The following PRSS23 variants were observed in gnomAD, a reference collection of about 807,000 sequenced individuals.
The protein encoded by PRSS23 is serine protease 23.
A neutral mutation model predicts 34.7 loss-of-function variants in PRSS23; 25 were observed. The observed-to-expected ratio is 0.72, with a 90% confidence interval of 0.53 to 1.01. PRSS23 has a LOEUF of 1.01. PRSS23 is among the 50% of genes least tolerant of loss of function. The probability of loss-of-function intolerance (pLI) is 0.00; values close to 1 mark genes in which losing one functional copy is unlikely to be tolerated. For synonymous variants in PRSS23, 176 were observed against 186.6 expected (o/e 0.94, Z 0.46); for missense variants, 445 against 475.6 (o/e 0.94, Z 0.60).
At chr11:86,930,055 T>A (rs1444879925) in intron 2 of PRSS23, among the ~76,000 whole-genome samples, 4 of 152,022 alleles carry the variant, frequency 2.6e-5, no homozygotes, top group African/African-American at 9.7e-5. Context: ...AGTATTATAC[T>A]ATACTATAAT....
chr11:86,939,426 A>ATATATATATTTTTTTTTTT, intron 2 of PRSS23, among the ~76,000 whole-genome samples: 1 of 94,072 alleles, frequency 1.1e-5, no homozygotes, highest in Non-Finnish European at 2.3e-5. Flanking sequence ...ATATATATAT[A>ATATATATATTTTTTTTTTT]TTTTTTAACA....
At chr11:86,895,477 C>CTTT (rs71040269) in intron 2 of PRSS23, among the ~76,000 whole-genome samples, 4,059 of 86,454 alleles carry the variant, frequency 0.047, 184 homozygotes, top group Non-Finnish European at 0.052. Context: ...TTATTTTATC[C>CTTT]TTTTTTTTTT....
intron 2 of PRSS23, chr11:86,908,844 A>G (rs1948960040): frequency 6.6e-6 from 1 of 151,994 alleles, no homozygotes; most frequent in South Asian, 2.1e-4. Flanking sequence ...CAGCAGCAAT[A>G]TCAGCTAGGT....
At chr11:86,859,844 C>T (rs1172943717) in intron 2 of PRSS23, among the ~76,000 whole-genome samples, 1 of 151,848 alleles carries the variant, frequency 6.6e-6, no homozygotes, top group African/African-American at 2.4e-5. Flanking sequence ...GGGGTGGACA[C>T]CTCCAGTGTG....
At chr11:86,806,939 A>G (rs1948108224) in intron 1 of PRSS23, among the ~76,000 whole-genome samples, 1 of 152,238 alleles carries the variant, frequency 6.6e-6, no homozygotes, top group Admixed American at 6.5e-5. Flanking sequence ...GGAAGAAGGA[A>G]TATTTTATTA....
chr11:86,853,665 G>A (rs528682355), intron 2 of PRSS23, among the ~76,000 whole-genome samples: 2 of 152,264 alleles, frequency 1.3e-5, no homozygotes, highest in Admixed American at 1.3e-4. Flanking sequence ...CATTTTTGCT[G>A]TTGTGAATAA....
intron 2 of PRSS23, among the ~76,000 whole-genome samples, chr11:86,913,493 T>C (rs566164668): frequency 6.6e-6 from 1 of 151,204 alleles, no homozygotes; most frequent in East Asian, 1.9e-4. Context: ...GAAACTCAGA[T>C]TTCCATATTT....
intron 2 of PRSS23, among the ~76,000 whole-genome samples, chr11:86,924,502 C>T (rs556825837): frequency 6.6e-6 from 1 of 152,266 alleles, no homozygotes; most frequent in African/African-American, 2.4e-5. Flanking sequence ...TAAGATACTG[C>T]GCTTGCATTG....
chr11:86,858,698 C>T (rs1451328260), intron 2 of PRSS23, among the ~76,000 whole-genome samples: 1 of 151,456 alleles, frequency 6.6e-6, no homozygotes, highest in Non-Finnish European at 1.5e-5. Flanking sequence ...GATGATATTA[C>T]TCCCAATATC....
At chr11:86,883,997 A>G (rs1008035485) in intron 2 of PRSS23, among the ~76,000 whole-genome samples, 1 of 152,164 alleles carries the variant, frequency 6.6e-6, no homozygotes, top group Non-Finnish European at 1.5e-5. Context: ...GCTTTATGAT[A>G]TGCACCATTA....
At chr11:86,830,021 C>G (rs937457812) in intron 2 of PRSS23, among the ~76,000 whole-genome samples, 1 of 152,206 alleles carries the variant, frequency 6.6e-6, no homozygotes. Context: ...CTCTTCAAAG[C>G]TGTCAGACAG....
At chr11:86,890,649 G>A (rs903317355) in intron 2 of PRSS23, among the ~76,000 whole-genome samples, 8 of 152,154 alleles carry the variant, frequency 5.3e-5, no homozygotes, top group African/African-American at 7.2e-5. Flanking sequence ...GGCTGTACAC[G>A]GGATTGAGGC....
chr11:86,842,632 A>T (rs937301821), intron 2 of PRSS23, among the ~76,000 whole-genome samples: 1 of 151,448 alleles, frequency 6.6e-6, no homozygotes, highest in Admixed American at 6.6e-5. Context: ...CTATACACCA[A>T]TAATAGAGAG....
chr11:86,808,756 T>C lies in PRSS23; in HGVS notation c.1113T>C (p.Tyr371=), dbSNP rs1565351351. Residue 371 remains tyrosine (Y), a synonymous_variant, in exon 2 of 2, where the codon TAT becomes TAC. Transcript: ENST00000280258. Reference sequence around the variant, plus strand: ...CTCTCAAATATGCCCAGATTTGCTATTGGATTAAAGGAAACTACCTGGATT... The same window carrying C: ...CTCTCAAATATGCCCAGATTTGCTACTGGATTAAAGGAAACTACCTGGATT... ...ITPLKYAQIC[Y]WIKGNYLDCR... The C allele has an allele frequency of 1.2e-6, 2 of 1,613,776 alleles. No homozygotes were observed. Among genetic ancestry groups the C allele is most frequent in the Non-Finnish European group, 1.7e-6 (2 of 1,179,812 alleles).
At chr11:86,837,152 A>C (rs1005926337) in intron 2 of PRSS23, 1 of 152,254 alleles carries the variant, frequency 6.6e-6, no homozygotes, top group Admixed American at 6.5e-5. Flanking sequence ...ATATGTAATA[A>C]AATCATTCTC....
At chr11:86,835,349 A>G (rs1166407767) in intron 2 of PRSS23, among the ~76,000 whole-genome samples, 1 of 152,246 alleles carries the variant, frequency 6.6e-6, no homozygotes, top group Non-Finnish European at 1.5e-5. Flanking sequence ...TTACTCAGGT[A>G]TGCCATGGGT....
At chr11:86,886,583 T>G (rs1948803976) in intron 2 of PRSS23, among the ~76,000 whole-genome samples, 1 of 152,182 alleles carries the variant, frequency 6.6e-6, no homozygotes, top group Non-Finnish European at 1.5e-5. Context: ...TTAGAATTTG[T>G]CTCTCAGAGG....
chr11:86,828,967 T>C (rs1390931954), intron 2 of PRSS23, among the ~76,000 whole-genome samples: 2 of 150,272 alleles, frequency 1.3e-5, no homozygotes, highest in South Asian at 2.1e-4. Context: ...CTGACAATTA[T>C]GTGTCTTGGA....
intron 2 of PRSS23, among the ~76,000 whole-genome samples, chr11:86,837,972 G>A (rs1027861987): frequency 1.3e-5 from 2 of 152,122 alleles, no homozygotes; most frequent in African/African-American, 2.4e-5. Context: ...ACTGAAGTAG[G>A]GCAGGGTGTC....
Sources: gnomAD v4.1 joint callset for allele counts (sites outside exome capture counted in the v4.1 genomes callset) on GRCh38, gnomAD v4.1.1 for gene constraint, MANE v1.5 for transcripts, NCBI Gene and HGNC (gene_info 2026-07-23, HGNC 2026-07-21) for gene names.